The following USH2A variants were observed in gnomAD, a reference collection of about 807,000 sequenced individuals.
The protein encoded by USH2A is Usher syndrome 2A (autosomal recessive, mild).
USH2A carries 443 observed loss-of-function variants against 538.9 expected under a neutral mutation model. The observed-to-expected ratio is 0.82, with a 90% CI of 0.76 to 0.89. The LOEUF (loss-of-function observed/expected upper bound fraction) is 0.89, where lower values mean the gene tolerates loss of function less well. USH2A is among the 40% of genes least tolerant of loss of function. The pLI is 0.00. For missense variants in USH2A, 6,633 were observed against 6,324.8 expected (o/e 1.05, Z -1.65); for synonymous variants, 2,413 against 2,273.5 (o/e 1.06, Z -1.75).
chr1:216,140,721 G>T (rs1410886734), intron 21 of USH2A, among the ~76,000 whole-genome samples: 1 of 152,182 alleles, frequency 6.6e-6, no homozygotes, highest in Non-Finnish European at 1.5e-5. Flanking sequence ...CAGCTCAGGG[G>T]CCTGAAGGGA....
intron 4 of USH2A, among the ~76,000 whole-genome samples, chr1:216,340,971 G>T (rs2038065909): frequency 6.6e-6 from 1 of 151,910 alleles, no homozygotes; most frequent in Admixed American, 6.6e-5. Flanking sequence ...TCCTATTCAA[G>T]ATAGTATTGG....
chr1:215,626,455 G>A (rs1297706529), intron 71 of USH2A, among the ~76,000 whole-genome samples: 1 of 151,804 alleles, frequency 6.6e-6, no homozygotes, highest in Non-Finnish European at 1.5e-5. Context: ...AGTTCAAACG[G>A]TAAATGGAAG....
intron 4 of USH2A, among the ~76,000 whole-genome samples, chr1:216,353,625 C>T (rs1320371529): frequency 6.6e-6 from 1 of 151,996 alleles, no homozygotes; most frequent in East Asian, 1.9e-4. Context: ...TGTTCAGAGT[C>T]AGTGACCAGC....
chr1:216,311,185 G>A (rs780656794), intron 9 of USH2A, among the ~76,000 whole-genome samples: 2 of 152,200 alleles, frequency 1.3e-5, no homozygotes, highest in South Asian at 2.1e-4. Context: ...GGGGATGACA[G>A]ACCTACATCC....
At chr1:215,804,223 G>A (rs576590941) in intron 49 of USH2A, among the ~76,000 whole-genome samples, 2 of 152,042 alleles carry the variant, frequency 1.3e-5, no homozygotes, top group East Asian at 1.9e-4. Context: ...CATAGGCATG[G>A]GCAAGGACTT....
chr1:216,306,114 G>A (rs1288475497), intron 9 of USH2A, among the ~76,000 whole-genome samples: 4 of 152,006 alleles, frequency 2.6e-5, no homozygotes, highest in South Asian at 4.1e-4. Context: ...TTTTCCAAAC[G>A]TTTAGATTTC....
intron 16 of USH2A, among the ~76,000 whole-genome samples, chr1:216,206,386 A>G (rs2035112079): frequency 6.6e-6 from 1 of 152,150 alleles, no homozygotes; most frequent in African/African-American, 2.4e-5. Context: ...TGGTTTTGGC[A>G]TGATTCAAGC....
intron 40 of USH2A, among the ~76,000 whole-genome samples, chr1:215,895,678 T>C (rs1665319148): frequency 6.6e-6 from 1 of 152,106 alleles, no homozygotes; most frequent in Non-Finnish European, 1.5e-5. Context: ...CTGTTCACAG[T>C]GCAATTATAA....
intron 4 of USH2A, among the ~76,000 whole-genome samples, chr1:216,340,882 A>G (rs1373794521): frequency 6.6e-6 from 1 of 152,166 alleles, no homozygotes; most frequent in Non-Finnish European, 1.5e-5. Context: ...ACCCACAGCC[A>G]ATATTATACT....
intron 11 of USH2A, among the ~76,000 whole-genome samples, chr1:216,263,907 A>G (rs2036422447): frequency 6.6e-6 from 1 of 152,164 alleles, no homozygotes; most frequent in African/African-American, 2.4e-5. Flanking sequence ...GAAGTGATAA[A>G]CTAAACGAAT....
chr1:215,847,655 A>G (rs1024087481), intron 44 of USH2A, among the ~76,000 whole-genome samples: 7 of 152,048 alleles, frequency 4.6e-5, no homozygotes, highest in Non-Finnish European at 7.4e-5. Flanking sequence ...AGGAAAAAAA[A>G]AAAAAGAAAA....
At chr1:216,224,408 AT>A (rs1019050021) in intron 14 of USH2A, among the ~76,000 whole-genome samples, 44 of 151,924 alleles carry the variant, frequency 2.9e-4, no homozygotes, top group African/African-American at 9.4e-4. Context: ...CAGTGGGCAG[AT>A]TTTTTTTGCT....
intron 5 of USH2A, among the ~76,000 whole-genome samples, chr1:216,327,280 G>A (rs2037752576): frequency 6.6e-6 from 1 of 152,060 alleles, no homozygotes; most frequent in Non-Finnish European, 1.5e-5. Context: ...ATTGTTAATA[G>A]AAACTACCTC....
At chr1:216,240,733 C>T (rs1188432770) in intron 13 of USH2A, among the ~76,000 whole-genome samples, 2 of 152,018 alleles carry the variant, frequency 1.3e-5, no homozygotes, top group Non-Finnish European at 2.9e-5. Context: ...TATTCTTTTT[C>T]AGAAGCTACT....
intron 47 of USH2A, among the ~76,000 whole-genome samples, chr1:215,835,959 C>T (rs1190966149): frequency 1.3e-5 from 2 of 151,946 alleles, no homozygotes; most frequent in South Asian, 2.1e-4. Context: ...TATTTGGATA[C>T]AAGCAATTTT....
At chr1:215,626,091 A>G (rs1016613683) in intron 71 of USH2A, among the ~76,000 whole-genome samples, 1 of 151,866 alleles carries the variant, frequency 6.6e-6, no homozygotes, top group East Asian at 1.9e-4. Flanking sequence ...CAAAATGTAT[A>G]TGTGATTTGA....
chr1:216,326,451 T>A (rs1229616399), intron 5 of USH2A, among the ~76,000 whole-genome samples: 1 of 152,168 alleles, frequency 6.6e-6, no homozygotes. Flanking sequence ...ATCTCATCAA[T>A]TCTTTTCAAC....
intron 31 of USH2A, among the ~76,000 whole-genome samples, chr1:216,047,323 A>T (rs1472241572): frequency 6.6e-6 from 1 of 152,170 alleles, no homozygotes; most frequent in Non-Finnish European, 1.5e-5. Context: ...GATTTAGTGG[A>T]TACGGAGAAA....
chr1:215,740,131 C>T (rs1322197500), intron 60 of USH2A, among the ~76,000 whole-genome samples: 1 of 152,188 alleles, frequency 6.6e-6, no homozygotes, highest in Non-Finnish European at 1.5e-5. Flanking sequence ...TTGCATTGTA[C>T]TTTCTACTCA....
Sources: gnomAD v4.1 joint callset for allele counts (sites outside exome capture counted in the v4.1 genomes callset) on GRCh38, gnomAD v4.1.1 for gene constraint, MANE v1.5 for transcripts, NCBI Gene and HGNC (gene_info 2026-07-23, HGNC 2026-07-21) for gene names.